JADE1: variants seen among roughly 807,000 people sequenced by gnomAD.
The protein encoded by JADE1 is jade family PHD finger 1, also known as protein Jade-1.
A neutral mutation model predicts 81.8 loss-of-function variants in JADE1; 14 were observed. That is an observed-to-expected ratio of 0.17 (90% CI 0.11 to 0.27). JADE1 has a LOEUF of 0.27. Among genes scored for constraint, JADE1 ranks in the 10% least tolerant of loss-of-function variants. The probability of loss-of-function intolerance (pLI) is 1.00; values close to 1 mark genes in which losing one functional copy is unlikely to be tolerated. For missense variants in JADE1, 690 were observed against 1,047.9 expected, an observed-to-expected ratio of 0.66 and a Z score of 4.71; for synonymous variants, 353 against 391.9, an observed-to-expected ratio of 0.90 and a Z score of 1.17.
rs1411211347 is a variant in JADE1, at chr4:128,872,492, C to G, written c.*230C>G. 2.0e-6 allele frequency: 1 copy of G among 505,104 alleles called. No individual in the cohort carries two copies. The highest frequency in any genetic ancestry group is 2.1e-5 in the African/African-American group (1 of 47,342). 31.3% of individuals were successfully genotyped at this position (505,104 alleles called of 1,614,324 possible). A position where few individuals can be genotyped will look rare whatever the true frequency, so the allele number is the denominator to read the frequency against. On this transcript the variant is annotated 3_prime_UTR_variant, in exon 11 of 11. Coordinates refer to ENST00000226319, the MANE Select transcript of JADE1 (RefSeq NM_199320.4). The stretch of plus-strand genomic sequence containing the variant: ...AAGAGTAGATTGTAACCATAAGACA[C>G]TGCTAAGACTAGAACCCGAACTGAA...
intron 2 of JADE1, among the ~76,000 whole-genome samples, chr4:128,837,227 G>A (rs1158882922): frequency 1.3e-5 from 2 of 152,166 alleles, no homozygotes; most frequent in Non-Finnish European, 1.5e-5. Flanking sequence ...GCCAGGCTCT[G>A]CCCCATCACC....
Position 128,871,287 on chromosome 4 carries a change from G to A in JADE1, c.1622-68G>A. On this transcript the variant is annotated intron_variant, in intron 10 of 10. Coordinates refer to ENST00000226319, the MANE Select transcript of JADE1 (RefSeq NM_199320.4). The surrounding 1 kb of genome is among the most constrained non-coding windows in gnomAD (Gnocchi z 4.1). ...ACATCAATTGGGCCACACTAAGGGTGTAGAATTTTATTCTTTTGGATTTGC... is the reference window on the plus strand; with the variant it reads ...ACATCAATTGGGCCACACTAAGGGTATAGAATTTTATTCTTTTGGATTTGC... 1 of 1,446,324 alleles carries A rather than the reference G, an allele frequency of 6.9e-7. No individual in the cohort carries two copies. The highest frequency in any genetic ancestry group is 9.5e-7 in the Non-Finnish European group (1 of 1,056,422). 89.6% of individuals were successfully genotyped at this position (1,446,324 alleles called of 1,614,324 possible).
chr4:128,824,344 C>A (rs904089971), intron 1 of JADE1, among the ~76,000 whole-genome samples: 1 of 151,894 alleles, frequency 6.6e-6, no homozygotes, highest in African/African-American at 2.4e-5. Flanking sequence ...AGCGTGAACC[C>A]GGGAGGCGGA....
intron 1 of JADE1, among the ~76,000 whole-genome samples, chr4:128,828,608 TTTTTACTCTTC>T (rs1728265309): frequency 1.3e-5 from 2 of 152,190 alleles, no homozygotes; most frequent in South Asian, 4.1e-4. Flanking sequence ...GAAAATACTA[TTTTTACTCTTC>T]TTTTACTTGA....
chr4:128,851,130 C>T (rs570803455), intron 5 of JADE1, among the ~76,000 whole-genome samples: 2 of 152,248 alleles, frequency 1.3e-5, no homozygotes, highest in African/African-American at 2.4e-5. Context: ...AGGATTTCGC[C>T]GTATTGGCCA....
intron 2 of JADE1, among the ~76,000 whole-genome samples, chr4:128,832,725 A>C (rs933210322): frequency 8.5e-5 from 13 of 152,256 alleles, no homozygotes; most frequent in Non-Finnish European, 1.9e-4. Context: ...AGAGGAGATG[A>C]AAGTTGTATA....
At chr4:128,841,258 G>A (rs557434150) in intron 2 of JADE1, among the ~76,000 whole-genome samples, 1 of 152,314 alleles carries the variant, frequency 6.6e-6, no homozygotes, top group East Asian at 1.9e-4. Flanking sequence ...ATTAAAAATA[G>A]GAGGTGGAGG....
intron 6 of JADE1, among the ~76,000 whole-genome samples, chr4:128,852,558 GC>G (rs1349085101): frequency 6.6e-6 from 1 of 151,762 alleles, no homozygotes; most frequent in African/African-American, 2.4e-5. Context: ...GAATGTATGA[GC>G]CCCCTCTGTC....
At chr4:128,813,427 T>G (rs1250496036) in intron 1 of JADE1, among the ~76,000 whole-genome samples, 2 of 136,602 alleles carry the variant, frequency 1.5e-5, no homozygotes, top group East Asian at 2.2e-4. Flanking sequence ...TTTTTTTTTT[T>G]GTTCCTTGAG....
intron 1 of JADE1, 32 bp downstream of exon 1, chr4:128,809,909 G>A (rs1405497245): frequency 6.8e-6 from 1 of 147,940 alleles, no homozygotes; most frequent in Non-Finnish European, 1.5e-5. Context: ...GGCGCGCGGG[G>A]TGGGCGCGCC....
chr4:128,821,146 C>G (rs773591051), intron 1 of JADE1, among the ~76,000 whole-genome samples: 4 of 152,116 alleles, frequency 2.6e-5, no homozygotes, highest in Admixed American at 2.6e-4. Flanking sequence ...AACACAAACT[C>G]CTGATTTCAG....
intron 9 of JADE1, among the ~76,000 whole-genome samples, chr4:128,866,263 T>C (rs1731772784): frequency 6.6e-6 from 1 of 152,196 alleles, no homozygotes; most frequent in African/African-American, 2.4e-5. Flanking sequence ...GTGTTTTTAT[T>C]CTCAATTCTT....
At chr4:128,829,677 GAC>G (rs1194695936) in intron 1 of JADE1, among the ~76,000 whole-genome samples, 7 of 152,154 alleles carry the variant, frequency 4.6e-5, no homozygotes, top group Non-Finnish European at 8.8e-5. Flanking sequence ...AAGGGAAGGA[GAC>G]TTCACCGAAG....
In JADE1 at chr4:128,872,411, T is replaced by C. The variant is rs1732262765; in HGVS notation, c.*149T>C. 3.0e-6 allele frequency: 2 copies of C among 666,918 alleles called. No individual in the cohort carries two copies. The highest frequency in any genetic ancestry group is 5.0e-6 in the Non-Finnish European group (2 of 403,932). 41.3% of individuals were successfully genotyped at this position (666,918 alleles called of 1,614,324 possible). A position where few individuals can be genotyped will look rare whatever the true frequency, so the allele number is the denominator to read the frequency against. ...TCAGATTAATTTTTTTCCAGAGTCATTTTTAAATCATTTTTGTGAGAAGTT... is the reference window on the plus strand; with the variant it reads ...TCAGATTAATTTTTTTCCAGAGTCACTTTTAAATCATTTTTGTGAGAAGTT... On this transcript the variant is annotated 3_prime_UTR_variant, in exon 11 of 11. Coordinates refer to ENST00000226319, the MANE Select transcript of JADE1 (RefSeq NM_199320.4).
chr4:128,852,335 T>C, intron 6 of JADE1, 67 bp downstream of exon 6: 1 of 1,285,940 alleles, frequency 7.8e-7, no homozygotes, highest in South Asian at 1.2e-5. Context: ...TGGGAGTGTA[T>C]GCCTGGAGTC....
rs556206227 is a variant in JADE1 at position 128,857,916 on chromosome 4, G to A, written c.981+462G>A. 8.5e-5 allele frequency among the ~76,000 whole-genome samples: 13 copies of A among 152,224 alleles called. No individual in the cohort carries two copies. In the South Asian group the frequency reaches 2.5e-3, roughly 29 times the overall value. On this transcript the variant is annotated intron_variant, in intron 8 of 10. Transcript: ENST00000226319. ...GAGATTGCAGGTTTCCATGGTGTGCGCACATCTGTTAGTAATCAAGGGGAC... is the reference window on the plus strand; with the variant it reads ...GAGATTGCAGGTTTCCATGGTGTGCACACATCTGTTAGTAATCAAGGGGAC...
chr4:128,822,351 A>T (rs1727650758), intron 1 of JADE1, among the ~76,000 whole-genome samples: 1 of 151,818 alleles, frequency 6.6e-6, no homozygotes, highest in Non-Finnish European at 1.5e-5. Flanking sequence ...TGGGTGACAG[A>T]GCAAGACTCT....
At chr4:128,814,246 T>TA (rs751611561) in intron 1 of JADE1, among the ~76,000 whole-genome samples, 8 of 152,146 alleles carry the variant, frequency 5.3e-5, no homozygotes, top group Non-Finnish European at 8.8e-5. Context: ...TTGCTTAGCC[T>TA]AGGGGGTTGG....
At chr4:128,831,884 T>G in intron 2 of JADE1, 74 bp downstream of exon 2, 1 of 1,297,822 alleles carries the variant, frequency 7.7e-7, no homozygotes, top group Non-Finnish European at 1.1e-6. Context: ...TTTAATGTAA[T>G]GCTTTAAATT....
Sources: gnomAD v4.1 joint callset for allele counts (sites outside exome capture counted in the v4.1 genomes callset) on GRCh38, gnomAD v4.1.1 for gene constraint, Gnocchi (gnomAD v3.1) non-coding constraint, MANE v1.5 for transcripts, NCBI Gene and HGNC (gene_info 2026-07-23, HGNC 2026-07-21) for gene names.